The following TGM3 variants were observed in gnomAD, a reference collection of about 807,000 sequenced individuals.
The protein encoded by TGM3 is transglutaminase 3.
A neutral mutation model predicts 73.8 loss-of-function variants in TGM3; 52 were observed. The ratio of observed to expected loss-of-function variants is 0.70; its 90% CI spans 0.56 to 0.89. The LOEUF is 0.89. TGM3 is among the 40% of genes least tolerant of loss of function. TGM3 has a pLI of 0.00. For synonymous variants in TGM3, 372 were observed against 354.9 expected, an observed-to-expected ratio of 1.05 and a Z score of -0.54; for missense variants, 928 against 909.9, an observed-to-expected ratio of 1.02 and a Z score of -0.26.
Position 2,334,369 on chromosome 20 carries a change from A to G in TGM3, c.1643-747A>G, listed in dbSNP as rs2084336760. On this transcript the variant is annotated intron_variant, in intron 10 of 12. Coordinates refer to ENST00000381458, the MANE Select transcript of TGM3 (RefSeq NM_003245.4). The surrounding 1 kb of genome is among the most constrained non-coding windows in gnomAD (Gnocchi z 4.0). Reference sequence around the variant, plus strand: ...TTTTTGAAGTCACATGTGACACAGAAGAAGAGTGATTTAGAAAACAAAACA... The same window carrying G: ...TTTTTGAAGTCACATGTGACACAGAGGAAGAGTGATTTAGAAAACAAAACA... Among the ~76,000 whole-genome samples the G allele has an allele frequency of 6.6e-6, 1 of 152,214 alleles. No homozygotes were observed. The highest frequency in any genetic ancestry group is 1.9e-4 in the East Asian group (1 of 5,200).
intron 7 of TGM3, among the ~76,000 whole-genome samples, chr20:2,324,037 C>T (rs1210281266): frequency 1.3e-5 from 2 of 152,000 alleles, no homozygotes; most frequent in Non-Finnish European, 2.9e-5. Context: ...TATATTTTCT[C>T]TGCTTTATTG....
Position 2,330,933 on chromosome 20 carries a change from G to A in TGM3, c.1334-1069G>A, listed in dbSNP as rs532094114. On this transcript the variant is annotated intron_variant, in intron 9 of 12. Transcript: ENST00000381458. ...AAGCAGGAGAACCTCTTGAACCCAG[G>A]AGGTGGATGTTGCAGTGAGTTGAGA... is the stretch of plus-strand genomic sequence containing the variant. Among the ~76,000 whole-genome samples, 5 of 145,442 alleles carry A rather than the reference G, an allele frequency of 3.4e-5. 1 individual carries two copies. In the South Asian group the frequency reaches 1.2e-3, roughly 34 times the overall value.
At chr20:2,306,017 C>T (rs1441931604) in intron 1 of TGM3, among the ~76,000 whole-genome samples, 1 of 152,196 alleles carries the variant, frequency 6.6e-6, no homozygotes, top group Admixed American at 6.5e-5. Flanking sequence ...TGCAGGTTTC[C>T]CTGTTGGGAG....
chr20:2,321,844 A>G (rs1365907579), intron 7 of TGM3, among the ~76,000 whole-genome samples: 1 of 152,228 alleles, frequency 6.6e-6, no homozygotes, highest in Non-Finnish European at 1.5e-5. Context: ...GTGTAACTGA[A>G]GTGGCTGGCT....
In TGM3 at chr20:2,334,840, G is replaced by A. The variant is rs557021177; in HGVS notation, c.1643-276G>A. ...TTGCCCTCCAACATTTTTCGGAGTC[G>A]GGAGGAAGCAGCGGTATCTTTAGCC... On this transcript the variant is annotated intron_variant, in intron 10 of 12. Coordinates refer to ENST00000381458, the MANE Select transcript of TGM3 (RefSeq NM_003245.4). The surrounding 1 kb of genome is among the most constrained non-coding windows in gnomAD (Gnocchi z 4.0). Among the ~76,000 whole-genome samples the A allele has an allele frequency of 7.4e-4, 113 of 152,206 alleles. No individual in the cohort carries two copies. The highest frequency in any genetic ancestry group is 1.3e-3 in the Non-Finnish European group (86 of 67,986).
intron 1 of TGM3, among the ~76,000 whole-genome samples, chr20:2,300,201 G>GAAAT (rs2084136500): frequency 7.2e-6 from 1 of 139,518 alleles, no homozygotes; most frequent in Admixed American, 7.9e-5. Flanking sequence ...GAAATAGAAA[G>GAAAT]AGAAAGAAAG....
Position 2,325,327 on chromosome 20 carries a change from T to G in TGM3, c.984-522T>G, listed in dbSNP as rs571431665. On this transcript the variant is annotated intron_variant, in intron 7 of 12. Coordinates refer to ENST00000381458, the MANE Select transcript of TGM3 (RefSeq NM_003245.4). ...CATAAGACAAAGAACATTTGAGGAC[T>G]GGCAGGTGTCATTCTTCAGTTCAGA... is the stretch of plus-strand genomic sequence containing the variant. Among the ~76,000 whole-genome samples the G allele has an allele frequency of 1.7e-3, 264 of 152,310 alleles. 1 individual carries two copies. Among genetic ancestry groups the G allele is most frequent in the African/African-American group, 4.5e-3 (185 of 41,564 alleles).
intron 1 of TGM3, among the ~76,000 whole-genome samples, chr20:2,300,841 C>T (rs2084142230): frequency 6.6e-6 from 1 of 152,098 alleles, no homozygotes; most frequent in South Asian, 2.1e-4. Context: ...TTGTTTTTGC[C>T]ATTACATATG....
In TGM3 at chr20:2,335,255, C is replaced by A. The variant is rs1251009232; in HGVS notation, c.1782C>A (p.Asn594Lys). The part of the protein sequence containing the change: ...VVVERDIILD[N>K]PTLTLEVLNE... Reference sequence around the variant, plus strand: ...TGGAGCGGGACATCATCCTGGACAACCCCACCTTGACCCTGGAGGTAATGG... The same window carrying A: ...TGGAGCGGGACATCATCCTGGACAAACCCACCTTGACCCTGGAGGTAATGG... Residue 594 changes from asparagine to lysine, a missense_variant, in exon 11 of 13, where the codon AAC becomes AAA. Transcript: ENST00000381458. 2 of 1,614,024 alleles carry A rather than the reference C, an allele frequency of 1.2e-6. No homozygotes were observed. The highest frequency in any genetic ancestry group is 1.1e-5 in the South Asian group (1 of 91,092).
At position 2,316,967 on chromosome 20, in the gene TGM3, T is replaced by G. The variant is rs1034610903; in HGVS notation, c.670-101T>G. ...AAAAGTTCAATCATGGCCTTTGGCT[T>G]CCTTCCTCATCTCCCCACCTTGTCC... On this transcript the variant is annotated intron_variant, in intron 5 of 12. Transcript: ENST00000381458. 7 of 1,395,676 alleles carry G rather than the reference T, an allele frequency of 5.0e-6. No individual in the cohort carries two copies. In the African/African-American group the frequency reaches 1.0e-4, roughly 20 times the overall value. The allele number at this position is 1,395,676 out of a possible 1,614,324, so 86.5% of individuals were successfully genotyped here.
In TGM3 at chr20:2,328,262, G is replaced by A. The variant is rs770298668; in HGVS notation, c.1230G>A (p.Trp410Ter). The change falls in exon 9 of 13, where the codon TGG (tryptophan) becomes TGA (stop). Residue 410 changes from tryptophan (W) to a stop codon, truncating the protein, a stop_gained. Transcript: ENST00000381458. LOFTEE classifies it high-confidence loss of function. The surrounding 1 kb of genome is among the most constrained non-coding windows in gnomAD (Gnocchi z 5.2). ...ACGACAACACCACTGGCAAACAGTG[G>A]AAGAATTCCGTGAACAGTCACACCA... The part of the protein sequence containing the change: ...WLYDNTTGKQ[W>*]KNSVNSHTIG... 9 of 1,614,182 alleles carry A rather than the reference G, an allele frequency of 5.6e-6. No homozygotes were observed. The highest frequency in any genetic ancestry group is 7.6e-6 in the Non-Finnish European group (9 of 1,180,036).
At position 2,332,188 on chromosome 20, in the gene TGM3, A is replaced by G. The variant is rs1470928067; in HGVS notation, c.1520A>G (p.Asn507Ser). The stretch of plus-strand genomic sequence containing the variant: ...GTCAACCTGGTCCTACTGCTCAAAA[A>G]CCTGAGCAGGGATACGAAGACAGTG... ...KEVNLVLLLK[N>S]LSRDTKTVTV... is the part of the protein sequence containing the mutation. The change falls in exon 10 of 13, where the codon AAC becomes AGC. Residue 507 changes from asparagine to serine, a missense_variant. Coordinates refer to ENST00000381458, the MANE Select transcript of TGM3 (RefSeq NM_003245.4). This position sits in a 1 kb window ranked among gnomAD's most constrained non-coding sequence, Gnocchi z 4.4. The G allele has an allele frequency of 6.2e-7, 1 of 1,613,918 alleles. No individual in the cohort carries two copies. The highest frequency in any genetic ancestry group is 1.6e-4 in the Middle Eastern group (1 of 6,084).
Position 2,309,673 on chromosome 20 carries a change from T to C in TGM3, c.24T>C (p.Ser8=). The C allele has an allele frequency of 6.2e-7, 1 of 1,613,868 alleles. No homozygotes were observed. The highest frequency in any genetic ancestry group is 1.7e-4 in the Middle Eastern group (1 of 5,972). The change falls in exon 2 of 13, where the codon AGT becomes AGC. Residue 8 remains serine, a synonymous_variant. Transcript: ENST00000381458. ...GCCTCACAGCTCTAGGAGTCCAGAG[T>C]ATCAACTGGCAGACGGCCTTCAACC... is the stretch of plus-strand genomic sequence containing the variant. MAALGVQ[S]INWQTAFNRQ...
At position 2,335,284 on chromosome 20, in the gene TGM3, T is replaced by C; in HGVS notation, c.1800+11T>C. 1 of 1,613,422 alleles carries C rather than the reference T, an allele frequency of 6.2e-7. No homozygotes were observed. Among genetic ancestry groups the C allele is most frequent in the Non-Finnish European group, 8.5e-7 (1 of 1,179,882 alleles). On this transcript the variant is annotated intron_variant, in intron 11 of 12. Coordinates refer to ENST00000381458, the MANE Select transcript of TGM3 (RefSeq NM_003245.4). ...ACCTTGACCCTGGAGGTAATGGGGC[T>C]CCCCATCCTGTGGGAAGGGGTTCTG... is the stretch of plus-strand genomic sequence containing the variant.
chr20:2,339,277 C>T (rs1014522024), intron 11 of TGM3, among the ~76,000 whole-genome samples: 20 of 152,160 alleles, frequency 1.3e-4, no homozygotes, highest in African/African-American at 2.9e-4. Flanking sequence ...CTCCCAGAGA[C>T]GGAGGTTCAA....
chr20:2,326,152 C>A, intron 8 of TGM3, 200 bp downstream of exon 8: 1 of 608,728 alleles, frequency 1.6e-6, no homozygotes, highest in South Asian at 2.0e-5. Context: ...TGCCCTGCAC[C>A]CACAATGGCC....
rs929228311 is a variant in TGM3 at position 2,334,608 on chromosome 20, G to T, written c.1643-508G>T. Among the ~76,000 whole-genome samples, 3 of 152,236 alleles carry T rather than the reference G, an allele frequency of 2.0e-5. No homozygotes were observed. Among genetic ancestry groups the T allele is most frequent in the Middle Eastern group, 6.8e-3 (2 of 294 alleles). On this transcript the variant is annotated intron_variant, in intron 10 of 12. Transcript: ENST00000381458. This position sits in a 1 kb window ranked among gnomAD's most constrained non-coding sequence, Gnocchi z 4.0. The stretch of plus-strand genomic sequence containing the variant: ...TGTTACTGTCATGATTGCTACTGTT[G>T]TTGGCAATCAGGTGGCATTTGTATT...
At chr20:2,324,749 G>C (rs1047454097) in intron 7 of TGM3, among the ~76,000 whole-genome samples, 28 of 152,150 alleles carry the variant, frequency 1.8e-4, no homozygotes, top group African/African-American at 5.8e-4. Flanking sequence ...TCGAGTTCTT[G>C]CTCCATGTAC....
chr20:2,336,520 G>A (rs1435174862), intron 11 of TGM3, among the ~76,000 whole-genome samples: 2 of 151,022 alleles, frequency 1.3e-5, no homozygotes, highest in South Asian at 2.1e-4. Flanking sequence ...TCCTTAAGCT[G>A]TAAGCTGGCT....
Sources: gnomAD v4.1 joint callset for allele counts (sites outside exome capture counted in the v4.1 genomes callset) on GRCh38, gnomAD v4.1.1 for gene constraint, Gnocchi (gnomAD v3.1) non-coding constraint, MANE v1.5 for transcripts, NCBI Gene and HGNC (gene_info 2026-07-23, HGNC 2026-07-21) for gene names.